The following HYAL4 variants were observed in gnomAD, a reference collection of about 807,000 sequenced individuals.
HYAL4 encodes hyaluronidase-4.
HYAL4 carries 37 observed loss-of-function variants against 35.2 expected under a neutral mutation model. The observed-to-expected ratio is 1.05, with a 90% CI of 0.81 to 1.38. The LOEUF (loss-of-function observed/expected upper bound fraction) is 1.38. Among genes scored for constraint, HYAL4 ranks in the 40% most tolerant of loss-of-function variants. The probability of loss-of-function intolerance (pLI) is 0.00; values close to 1 mark genes in which losing one functional copy is unlikely to be tolerated. For synonymous variants in HYAL4, 198 were observed against 203.2 expected, an observed-to-expected ratio of 0.97 and a Z score of 0.22; for missense variants, 572 against 572.4, an observed-to-expected ratio of 1.00 and a Z score of 0.01.
intron 2 of HYAL4, among the ~76,000 whole-genome samples, chr7:123,856,603 G>A (rs1389457976): frequency 3.9e-5 from 6 of 152,146 alleles, no homozygotes; most frequent in Non-Finnish European, 7.4e-5. Context: ...GCCAGCCAGA[G>A]CTCTCCTGTA....
chr7:123,783,037 AT>A, the HYAL4 span, among the ~76,000 whole-genome samples: 7 of 151,998 alleles, frequency 4.6e-5, no homozygotes, highest in African/African-American at 1.4e-4. Flanking sequence ...TCAAATATAA[AT>A]ATAAAGTCAA....
At chr7:123,852,668 T>C (rs376064037) in intron 2 of HYAL4, among the ~76,000 whole-genome samples, 7 of 152,138 alleles carry the variant, frequency 4.6e-5, no homozygotes, top group African/African-American at 1.7e-4. Flanking sequence ...AGTCAGGTAG[T>C]GTGATGCCTC....
intron 2 of HYAL4, among the ~76,000 whole-genome samples, chr7:123,863,063 C>G (rs1308640669): frequency 2.0e-5 from 3 of 152,186 alleles, no homozygotes; most frequent in African/African-American, 7.2e-5. Context: ...TCCTCTTATC[C>G]TTGGGATCAG....
chr7:123,790,205 A>T, the HYAL4 span, among the ~76,000 whole-genome samples: 1 of 152,214 alleles, frequency 6.6e-6, no homozygotes, highest in Non-Finnish European at 1.5e-5. Flanking sequence ...CATGGCAGTA[A>T]TGAAAACAGG....
At chr7:123,776,120 C>G in the HYAL4 span, among the ~76,000 whole-genome samples, 1 of 152,166 alleles carries the variant, frequency 6.6e-6, no homozygotes. Context: ...TTCTGTATGT[C>G]TCTGCTTATA....
chr7:123,871,688 A>G (rs1434775254), intron 3 of HYAL4, among the ~76,000 whole-genome samples: 2 of 152,246 alleles, frequency 1.3e-5, no homozygotes, highest in Admixed American at 1.3e-4. Flanking sequence ...TAGTGTCTTC[A>G]TGTACAAAAT....
At chr7:123,874,154 A>G (rs552482637) in intron 3 of HYAL4, among the ~76,000 whole-genome samples, 1 of 152,310 alleles carries the variant, frequency 6.6e-6, no homozygotes, top group South Asian at 2.1e-4. Flanking sequence ...GATTTATTTC[A>G]ATTAAATAAT....
chr7:123,870,676 C>T (rs118166082), intron 3 of HYAL4, among the ~76,000 whole-genome samples: 1,700 of 151,390 alleles, frequency 0.011, 20 homozygotes, highest in Middle Eastern at 0.031. Flanking sequence ...AAGAGAATTG[C>T]TTGAACTCGG....
the HYAL4 span, among the ~76,000 whole-genome samples, chr7:123,786,983 C>G: frequency 6.6e-6 from 1 of 151,682 alleles, no homozygotes; most frequent in African/African-American, 2.4e-5. Flanking sequence ...TGGAGGGCAC[C>G]TGTAATCACC....
At chr7:123,829,102 T>C (rs993036413) in exon 1 of HYAL4, 3 of 152,642 alleles carry the variant, frequency 2.0e-5, no homozygotes, top group African/African-American at 7.2e-5. Flanking sequence ...CCTCCTTCTA[T>C]CTGCATATGC....
At chr7:123,808,260 C>T in the HYAL4 span, among the ~76,000 whole-genome samples, 1 of 152,152 alleles carries the variant, frequency 6.6e-6, no homozygotes, top group South Asian at 2.1e-4. Context: ...AATGCTTTAT[C>T]ATAATGAACT....
the HYAL4 span, chr7:123,814,488 T>C: frequency 2.6e-5 from 4 of 152,610 alleles, no homozygotes; most frequent in Admixed American, 6.6e-5. Context: ...GCTGATGACA[T>C]TGGAGAAGGT....
intron 1 of HYAL4, among the ~76,000 whole-genome samples, chr7:123,834,250 A>G (rs931125936): frequency 2.6e-5 from 4 of 152,046 alleles, no homozygotes; most frequent in South Asian, 2.1e-4. Flanking sequence ...TGTGGCATCT[A>G]TGATTTCTTT....
intron 1 of HYAL4, among the ~76,000 whole-genome samples, chr7:123,846,260 A>G (rs1042955775): frequency 6.6e-6 from 1 of 151,740 alleles, no homozygotes; most frequent in African/African-American, 2.4e-5. Context: ...GGGAAGGACC[A>G]TCAGGGGGGC....
chr7:123,778,171 A>G, the HYAL4 span, among the ~76,000 whole-genome samples: 2 of 150,064 alleles, frequency 1.3e-5, no homozygotes, highest in African/African-American at 2.5e-5. Context: ...CTATCTATCT[A>G]TCTATCTATC....
At chr7:123,832,521 A>G (rs1345132302) in intron 1 of HYAL4, among the ~76,000 whole-genome samples, 1 of 57,752 alleles carries the variant, frequency 1.7e-5, no homozygotes, top group Non-Finnish European at 2.9e-5. Flanking sequence ...TTTTTTTGAG[A>G]CAGAGTCTCG....
At chr7:123,849,251 A>G (rs1806242593) in intron 2 of HYAL4, among the ~76,000 whole-genome samples, 2 of 151,820 alleles carry the variant, frequency 1.3e-5, no homozygotes, top group African/African-American at 4.8e-5. Flanking sequence ...GAGTACCTGA[A>G]TAACTAATGT....
chr7:123,856,288 T>A (rs1382840334), intron 2 of HYAL4, among the ~76,000 whole-genome samples: 1 of 152,168 alleles, frequency 6.6e-6, no homozygotes, highest in East Asian at 1.9e-4. Context: ...GTTTTTGTAA[T>A]TTTCAGCATT....
chr7:123,849,766 C>T (rs1806260413), intron 2 of HYAL4, among the ~76,000 whole-genome samples: 1 of 152,120 alleles, frequency 6.6e-6, no homozygotes, highest in Non-Finnish European at 1.5e-5. Context: ...ACTCAGGAGG[C>T]TGAGGCAGGA....
Sources: allele counts gnomAD v4.1 joint callset (sites outside exome capture counted in the v4.1 genomes callset), GRCh38; gene constraint gnomAD v4.1.1; transcripts MANE v1.5; gene names NCBI Gene and HGNC (gene_info 2026-07-23, HGNC 2026-07-21).